ANKRD28: variants seen among roughly 807,000 people sequenced by gnomAD.
The protein encoded by ANKRD28 is ankyrin repeat domain 28, also known as serine/threonine-protein phosphatase 6 regulatory ankyrin repeat subunit A.
In ANKRD28, 44 loss-of-function variants were observed where a neutral mutation model predicts 126.5. The ratio of observed to expected loss-of-function variants is 0.35; its 90% CI spans 0.27 to 0.45. The LOEUF (loss-of-function observed/expected upper bound fraction) is 0.45, where lower values mean the gene tolerates loss of function less well. Among genes scored for constraint, ANKRD28 ranks in the 20% least tolerant of loss-of-function variants. The pLI is 1.00. For synonymous variants in ANKRD28, 442 were observed against 468.5 expected, an observed-to-expected ratio of 0.94 and a Z score of 0.73; for missense variants, 1,110 against 1,316.6, an observed-to-expected ratio of 0.84 and a Z score of 2.43.
chr3:15,742,154 GCCACCCCGT>G (rs1301122582), intron 4 of ANKRD28, among the ~76,000 whole-genome samples: 83 of 152,178 alleles, frequency 5.5e-4, no homozygotes, highest in Admixed American at 3.1e-3. Context: ...CTGCCCGGCC[GCCACCCCGT>G]CTGGGAAGTG....
At chr3:15,827,907 A>C (rs1482051715) in intron 1 of ANKRD28, among the ~76,000 whole-genome samples, 1 of 152,200 alleles carries the variant, frequency 6.6e-6, no homozygotes, top group Non-Finnish European at 1.5e-5. Context: ...TTTTAAATGG[A>C]CAAGGGACTT....
chr3:15,749,093 A>ATTTTTTTTTTTTT (rs1559466121), intron 4 of ANKRD28, among the ~76,000 whole-genome samples: 1 of 57,806 alleles, frequency 1.7e-5, no homozygotes, highest in East Asian at 1.4e-3. Flanking sequence ...ATTCTATATT[A>ATTTTTTTTTTTTT]TGTTTTTGTT....
At chr3:15,769,759 C>T (rs1427613810) in intron 2 of ANKRD28, among the ~76,000 whole-genome samples, 1 of 152,128 alleles carries the variant, frequency 6.6e-6, no homozygotes. Flanking sequence ...GTTACCACAA[C>T]TGAAGAATCA....
At position 15,843,882 on chromosome 3, in the gene ANKRD28, T is replaced by G. The variant is rs1235433900; in HGVS notation, c.27+15495A>C. Among the ~76,000 whole-genome samples, 2 of 151,790 alleles carry G rather than the reference T, an allele frequency of 1.3e-5. No homozygotes were observed. Among genetic ancestry groups the G allele is most frequent in the African/African-American group, 4.8e-5 (2 of 41,330 alleles). ...AGTTGCAAGAGGCAGAAGATGGAGATGAAAAGGAGAAGACTGAAAGCGTGT... is the reference window on the plus strand; with the variant it reads ...AGTTGCAAGAGGCAGAAGATGGAGAGGAAAAGGAGAAGACTGAAAGCGTGT... On this transcript the variant is annotated intron_variant, in intron 1 of 27. Coordinates refer to the ANKRD28 transcript ENST00000399451. The surrounding 1 kb of genome is among the most constrained non-coding windows in gnomAD (Gnocchi z 5.2).
intron 1 of ANKRD28, among the ~76,000 whole-genome samples, chr3:15,809,870 A>G (rs542210845): frequency 6.6e-6 from 1 of 152,302 alleles, no homozygotes; most frequent in Admixed American, 6.5e-5. Context: ...TTTAAGTTTC[A>G]CATATATCAA....
intron 14 of ANKRD28, among the ~76,000 whole-genome samples, chr3:15,705,840 A>G (rs2071281712): frequency 6.8e-6 from 1 of 148,116 alleles, no homozygotes; most frequent in Non-Finnish European, 1.5e-5. Flanking sequence ...CTCTACTAAA[A>G]TTACAAAAAT....
intron 11 of ANKRD28, 128 bp downstream of exon 11, chr3:15,712,012 T>A (rs1235326010): frequency 4.1e-6 from 3 of 735,454 alleles, no homozygotes; most frequent in Non-Finnish European, 6.9e-6. Context: ...CAACACGTTC[T>A]AAAAGGGGTT....
chr3:15,727,156 A>T (rs2125025927), intron 6 of ANKRD28, among the ~76,000 whole-genome samples: 1 of 152,352 alleles, frequency 6.6e-6, no homozygotes, highest in East Asian at 1.9e-4. Context: ...AATCAAGAGT[A>T]ATTTCAACTT....
chr3:15,818,475 T>G (rs1042865533), intron 1 of ANKRD28, among the ~76,000 whole-genome samples: 1 of 152,246 alleles, frequency 6.6e-6, no homozygotes, highest in Non-Finnish European at 1.5e-5. Flanking sequence ...CCAAGATCTC[T>G]CATTACATTT....
rs1255545458 is a variant in ANKRD28 at position 15,712,141 on chromosome 3, T to C, written c.1272A>G (p.Ser424=). The C allele has an allele frequency of 5.1e-6, 8 of 1,571,000 alleles. No homozygotes were observed. The highest frequency in any genetic ancestry group is 1.4e-5 in the African/African-American group (1 of 73,970). The part of the protein sequence containing the change: ...FSDCCRKLLS[S]GFDIDTPDDF... ...AAAGGCTGCAAAGGTTACACTTACC[T>C]GAAGAAAGAAGTTTTCTGCAGCAAT... The change falls in exon 11 of 28, where the codon TCA becomes TCG. Residue 424 remains serine, a splice_region_variant and synonymous_variant. Transcript: ENST00000683139.
chr3:15,730,227 T>C (rs1160878381), intron 6 of ANKRD28, among the ~76,000 whole-genome samples: 2 of 152,150 alleles, frequency 1.3e-5, no homozygotes, highest in African/African-American at 4.8e-5. Flanking sequence ...AAGCTAAACT[T>C]GGCTGAATAT....
intron 4 of ANKRD28, among the ~76,000 whole-genome samples, chr3:15,740,299 G>A (rs1042313615): frequency 5.3e-5 from 8 of 152,090 alleles, no homozygotes; most frequent in Non-Finnish European, 1.0e-4. Context: ...CTGGGATAAA[G>A]GTTACACAGG....
In ANKRD28 at chr3:15,724,374, A is replaced by G; in HGVS notation, c.783+8T>C. 6.3e-7 allele frequency: 1 copy of G among 1,597,834 alleles called. No homozygotes were observed. Among genetic ancestry groups the G allele is most frequent in the Non-Finnish European group, 8.5e-7 (1 of 1,171,918 alleles). On this transcript the variant is annotated splice_region_variant and intron_variant, in intron 7 of 27. Coordinates refer to ENST00000683139, the MANE Select transcript of ANKRD28 (RefSeq NM_001349278.2). ...CATAATTTTATACTGTTCAATTAATATACCTACATCAACTCCAAGATCTAG... is the reference window on the plus strand; with the variant it reads ...CATAATTTTATACTGTTCAATTAATGTACCTACATCAACTCCAAGATCTAG...
intron 27 of ANKRD28, among the ~76,000 whole-genome samples, chr3:15,673,559 T>A (rs1443984872): frequency 2.0e-5 from 3 of 152,202 alleles, no homozygotes; most frequent in Non-Finnish European, 4.4e-5. Context: ...AAAAGCTTTA[T>A]GTAAAAAAAG....
chr3:15,723,964 G>A (rs543094997), intron 7 of ANKRD28, among the ~76,000 whole-genome samples: 1 of 152,092 alleles, frequency 6.6e-6, no homozygotes, highest in Non-Finnish European at 1.5e-5. Context: ...AAAACCTCTT[G>A]TTTTCCTGCC....
At chr3:15,680,103 A>G (rs2067382184) in intron 21 of ANKRD28, among the ~76,000 whole-genome samples, 1 of 151,940 alleles carries the variant, frequency 6.6e-6, no homozygotes, top group South Asian at 2.1e-4. Flanking sequence ...TGACTGTGCT[A>G]TTTTTTTATT....
chr3:15,824,307 A>C lies in ANKRD28; in HGVS notation c.28-29001T>G, dbSNP rs555290230. Among the ~76,000 whole-genome samples, 40 of 152,314 alleles carry C rather than the reference A, an allele frequency of 2.6e-4. No homozygotes were observed. In the South Asian group the frequency reaches 8.1e-3, roughly 31 times the overall value. On this transcript the variant is annotated intron_variant, in intron 1 of 27. Coordinates refer to the ANKRD28 transcript ENST00000399451. ...GTAGCTGGGACCATAGGCATGTGCCACCACAGCCGGCTAGTTTTTTGTATT... is the reference window on the plus strand; with the variant it reads ...GTAGCTGGGACCATAGGCATGTGCCCCCACAGCCGGCTAGTTTTTTGTATT...
intron 14 of ANKRD28, among the ~76,000 whole-genome samples, chr3:15,706,205 A>G (rs183330427): frequency 1.3e-4 from 20 of 152,030 alleles, no homozygotes; most frequent in Middle Eastern, 6.8e-3. Context: ...CTCGTCACTT[A>G]CATTAGGTAT....
rs7645290 is a variant in ANKRD28 at position 15,814,024 on chromosome 3, C to G, written c.28-18718G>C. 6.6e-6 allele frequency among the ~76,000 whole-genome samples: 1 copy of G among 152,162 alleles called. No homozygotes were observed. Among genetic ancestry groups the G allele is most frequent in the Admixed American group, 6.5e-5 (1 of 15,282 alleles). On this transcript the variant is annotated intron_variant, in intron 1 of 27. Coordinates refer to the ANKRD28 transcript ENST00000399451. The surrounding 1 kb of genome is among the most constrained non-coding windows in gnomAD (Gnocchi z 4.7). ...ATAAGCCCCCTCCACTGAAAATTTA[C>G]TTGAATTATAAAACGGCTATACTAA...
Sources: gnomAD v4.1 joint callset for allele counts (sites outside exome capture counted in the v4.1 genomes callset) on GRCh38, gnomAD v4.1.1 for gene constraint, Gnocchi (gnomAD v3.1) non-coding constraint, MANE v1.5 for transcripts, NCBI Gene and HGNC (gene_info 2026-07-23, HGNC 2026-07-21) for gene names.